The following CTIF variants were observed in gnomAD, a reference collection of about 807,000 sequenced individuals.
CTIF encodes cap binding complex dependent translation initiation factor.
CTIF carries 21 observed loss-of-function variants against 66.0 expected under a neutral mutation model. The ratio of observed to expected loss-of-function variants is 0.32; its 90% confidence interval spans 0.23 to 0.46. The LOEUF is 0.46. Among genes scored for constraint, CTIF ranks in the 20% least tolerant of loss-of-function variants. The pLI, the probability that CTIF is intolerant of heterozygous loss-of-function variation, is 1.00. For synonymous variants in CTIF, 345 were observed against 326.4 expected, an observed-to-expected ratio of 1.06 and a Z score of -0.62; for missense variants, 739 against 812.7, an observed-to-expected ratio of 0.91 and a Z score of 1.10.
At chr18:48,679,567 T>C (rs2091703280) in intron 6 of CTIF, among the ~76,000 whole-genome samples, 2 of 152,206 alleles carry the variant, frequency 1.3e-5, no homozygotes, top group African/African-American at 4.8e-5. Context: ...CTTCCTGCCC[T>C]TGACCTTAGA....
At chr18:48,615,576 G>A (rs575318380) in intron 1 of CTIF, among the ~76,000 whole-genome samples, 4 of 152,328 alleles carry the variant, frequency 2.6e-5, no homozygotes, top group South Asian at 2.1e-4. Flanking sequence ...TGTGGGCCAC[G>A]GGGCTCACCC....
At chr18:48,568,888 G>GA (rs1568038095) in intron 1 of CTIF, among the ~76,000 whole-genome samples, 3 of 152,116 alleles carry the variant, frequency 2.0e-5, no homozygotes, top group Admixed American at 6.6e-5. Flanking sequence ...CTCCCACCAG[G>GA]AGGGTCCCTC....
At chr18:48,735,904 G>A (rs2092497830) in intron 7 of CTIF, among the ~76,000 whole-genome samples, 1 of 152,154 alleles carries the variant, frequency 6.6e-6, no homozygotes, top group South Asian at 2.1e-4. Context: ...TGGCCTCTTG[G>A]GGAGGGCTGG....
chr18:48,635,289 GCTTTTTCTTTTTTTTCTTTTT>G (rs1224898223), intron 2 of CTIF, among the ~76,000 whole-genome samples: 6 of 148,660 alleles, frequency 4.0e-5, no homozygotes, highest in South Asian at 2.1e-4. Flanking sequence ...GCTTCCCTCT[GCTTTTTCTTTTTTTTCTTTTT>G]CTTTTTCTTT....
intron 6 of CTIF, among the ~76,000 whole-genome samples, chr18:48,679,777 A>G (rs2091707521): frequency 6.6e-6 from 1 of 152,110 alleles, no homozygotes; most frequent in African/African-American, 2.4e-5. Context: ...TTCTAGGCCA[A>G]TTTTGAGGTT....
chr18:48,702,469 A>G (rs948837153), intron 6 of CTIF, among the ~76,000 whole-genome samples: 19 of 152,170 alleles, frequency 1.2e-4, no homozygotes, highest in African/African-American at 3.9e-4. Flanking sequence ...TGTCTAGCTC[A>G]TTGTGTAGCT....
intron 3 of CTIF, among the ~76,000 whole-genome samples, chr18:48,659,288 G>T (rs987392679): frequency 6.6e-6 from 1 of 152,160 alleles, no homozygotes; most frequent in African/African-American, 2.4e-5. Flanking sequence ...CTTCTCGTCT[G>T]CCAGGCCCCG....
intron 6 of CTIF, among the ~76,000 whole-genome samples, chr18:48,698,922 G>T (rs570995464): frequency 6.6e-6 from 1 of 152,124 alleles, no homozygotes; most frequent in Non-Finnish European, 1.5e-5. Context: ...TAGTACAGCC[G>T]CTGGCACCAC....
intron 2 of CTIF, among the ~76,000 whole-genome samples, chr18:48,632,369 C>T (rs908280965): frequency 3.3e-5 from 5 of 152,162 alleles, no homozygotes; most frequent in African/African-American, 7.2e-5. Flanking sequence ...GGGTTGTGCC[C>T]GCCTCCGGCT....
In CTIF at chr18:48,670,752, C is replaced by G; in HGVS notation, c.507+8C>G. On this transcript the variant is annotated splice_region_variant and intron_variant, in intron 6 of 11. Transcript: ENST00000256413. ...GTCCTTCCAGCCTGGCAGGTAGGTG[C>G]AGGGGCAGGCTCTCTAACAGCCCAC... 1 of 1,612,800 alleles carries G rather than the reference C, an allele frequency of 6.2e-7. No individual in the cohort carries two copies. The highest frequency in any genetic ancestry group is 1.7e-5 in the Admixed American group (1 of 60,020).
chr18:48,800,608 C>T (rs2068028820), intron 9 of CTIF, among the ~76,000 whole-genome samples: 1 of 152,246 alleles, frequency 6.6e-6, no homozygotes, highest in South Asian at 2.1e-4. Flanking sequence ...ACCCCCCACA[C>T]ACCCATGTCC....
intron 1 of CTIF, among the ~76,000 whole-genome samples, chr18:48,610,251 G>A (rs1039488714): frequency 1.3e-5 from 2 of 152,218 alleles, no homozygotes; most frequent in Non-Finnish European, 2.9e-5. Context: ...AGGCAGCCTG[G>A]GTTTGGTGCC....
chr18:48,662,620 T>C (rs1489694944), intron 3 of CTIF: 2 of 151,526 alleles, frequency 1.3e-5, no homozygotes, highest in African/African-American at 2.4e-5. Flanking sequence ...TCCCGGTTTT[T>C]GTGCCCTCTC....
intron 6 of CTIF, among the ~76,000 whole-genome samples, chr18:48,711,074 G>GT (rs2092217503): frequency 6.6e-6 from 1 of 152,310 alleles, no homozygotes; most frequent in South Asian, 2.1e-4. Flanking sequence ...AAGATCTTGG[G>GT]TAAAAATTTC....
At chr18:48,628,556 G>A (rs1375981428) in intron 2 of CTIF, among the ~76,000 whole-genome samples, 1 of 152,142 alleles carries the variant, frequency 6.6e-6, no homozygotes, top group Non-Finnish European at 1.5e-5. Flanking sequence ...GCAAGACTGG[G>A]GTTTGAAACA....
At chr18:48,737,389 A>G (rs1598953282) in intron 7 of CTIF, among the ~76,000 whole-genome samples, 1 of 152,380 alleles carries the variant, frequency 6.6e-6, no homozygotes, top group South Asian at 2.1e-4. Flanking sequence ...TGATGTTCAG[A>G]AGAGGAAGAA....
chr18:48,731,586 G>A (rs939061034), intron 7 of CTIF, among the ~76,000 whole-genome samples: 1 of 152,204 alleles, frequency 6.6e-6, no homozygotes, highest in Non-Finnish European at 1.5e-5. Context: ...TGGTTTGTCT[G>A]TGATAAGTGA....
At chr18:48,840,289 G>A (rs1471366874) in intron 10 of CTIF, among the ~76,000 whole-genome samples, 1 of 152,202 alleles carries the variant, frequency 6.6e-6, no homozygotes, top group Non-Finnish European at 1.5e-5. Flanking sequence ...AAGGTGGGAA[G>A]ACTGTAGGGC....
chr18:48,838,850 C>T (rs563037301), intron 10 of CTIF, among the ~76,000 whole-genome samples: 46 of 152,290 alleles, frequency 3.0e-4, no homozygotes, highest in African/African-American at 1.0e-3. Flanking sequence ...CAGCAGCAGC[C>T]CCCAAACTCT....
Sources: allele counts gnomAD v4.1 joint callset (sites outside exome capture counted in the v4.1 genomes callset), GRCh38; gene constraint gnomAD v4.1.1; transcripts MANE v1.5; gene names NCBI Gene and HGNC (gene_info 2026-07-23, HGNC 2026-07-21).